The following EPHB1 variants were observed in gnomAD, a reference collection of about 807,000 sequenced individuals.
EPHB1 encodes the protein EPH receptor B1, also known as ephrin type-B receptor 1.
A neutral mutation model predicts 94.4 loss-of-function variants in EPHB1; 30 were observed. That is an observed-to-expected ratio of 0.32 (90% confidence interval 0.24 to 0.43). The LOEUF is 0.43. Among genes scored for constraint, EPHB1 ranks in the 20% least tolerant of loss-of-function variants. The pLI, the probability that EPHB1 is intolerant of heterozygous loss-of-function variation, is 1.00. For missense variants in EPHB1, 1,055 were observed against 1,308.3 expected (o/e 0.81, Z 2.99); for synonymous variants, 522 against 489.1 (o/e 1.07, Z -0.89).
chr3:135,249,158 T>C (rs1033809356), intron 14 of EPHB1, among the ~76,000 whole-genome samples, 178 bp from the exon 15 acceptor site: 1 of 152,186 alleles, frequency 6.6e-6, no homozygotes, highest in African/African-American at 2.4e-5. Context: ...GCCACCTGGA[T>C]GTAGAAGTCA....
At chr3:135,072,924 G>T (rs371109799) in intron 3 of EPHB1, among the ~76,000 whole-genome samples, 4 of 152,210 alleles carry the variant, frequency 2.6e-5, no homozygotes, top group East Asian at 1.9e-4. Flanking sequence ...ACATTTTCCA[G>T]TTGATCAGAG....
chr3:134,968,158 T>G (rs1012052706), intron 3 of EPHB1, among the ~76,000 whole-genome samples: 3 of 152,258 alleles, frequency 2.0e-5, no homozygotes, highest in Non-Finnish European at 4.4e-5. Context: ...TGGGCCTCAG[T>G]ATGTTAAATG....
At chr3:134,880,855 C>T (rs915443967) in intron 1 of EPHB1, among the ~76,000 whole-genome samples, 13 of 152,204 alleles carry the variant, frequency 8.5e-5, no homozygotes. Flanking sequence ...AATTGGGTTT[C>T]TGGGTCTTCC....
At chr3:135,012,346 C>T (rs533449494) in intron 3 of EPHB1, among the ~76,000 whole-genome samples, 2 of 152,284 alleles carry the variant, frequency 1.3e-5, no homozygotes, top group South Asian at 4.2e-4. Context: ...CACAGCCAGT[C>T]CTCAAGGCTG....
intron 1 of EPHB1, among the ~76,000 whole-genome samples, chr3:134,922,219 A>C (rs1404192686): frequency 6.6e-6 from 1 of 151,908 alleles, no homozygotes; most frequent in Non-Finnish European, 1.5e-5. Context: ...CAGAACTCTC[A>C]ATATGCTTTA....
chr3:134,869,482 C>T (rs1203942385), intron 1 of EPHB1, among the ~76,000 whole-genome samples: 1 of 152,076 alleles, frequency 6.6e-6, no homozygotes, highest in Admixed American at 6.5e-5. Flanking sequence ...CTTGGATGGA[C>T]CGTGGGAGGG....
chr3:135,170,610 T>C (rs1292211475), intron 9 of EPHB1, among the ~76,000 whole-genome samples: 1 of 152,030 alleles, frequency 6.6e-6, no homozygotes, highest in Non-Finnish European at 1.5e-5. Flanking sequence ...TGACTAACAG[T>C]TGCCTGGATG....
intron 3 of EPHB1, among the ~76,000 whole-genome samples, chr3:135,104,450 A>T (rs766612517): frequency 6.6e-6 from 1 of 152,172 alleles, no homozygotes; most frequent in Non-Finnish European, 1.5e-5. Flanking sequence ...CTTTCTACAG[A>T]GAAGTTTCTT....
intron 3 of EPHB1, among the ~76,000 whole-genome samples, chr3:135,075,295 G>A (rs1937869771): frequency 6.6e-6 from 1 of 152,146 alleles, no homozygotes; most frequent in Non-Finnish European, 1.5e-5. Context: ...GAGTGCCAGA[G>A]TCTGCTGGCA....
chr3:135,052,931 G>GTGTA (rs1457685081), intron 3 of EPHB1, among the ~76,000 whole-genome samples: 3 of 93,830 alleles, frequency 3.2e-5, no homozygotes, highest in African/African-American at 1.2e-4. Context: ...GTGTGTGTGT[G>GTGTA]TATATATGTG....
chr3:135,110,112 A>G (rs1229817836), intron 4 of EPHB1, among the ~76,000 whole-genome samples: 2 of 152,206 alleles, frequency 1.3e-5, no homozygotes, highest in Non-Finnish European at 2.9e-5. Context: ...GCCTTATAAA[A>G]TTGCTGCCTG....
At chr3:135,179,772 A>C in intron 9 of EPHB1, 88 bp from the exon 10 acceptor site, 1 of 1,519,658 alleles carries the variant, frequency 6.6e-7, no homozygotes, top group East Asian at 2.3e-5. Flanking sequence ...TCCTCCCAGG[A>C]ATGCCCTTAG....
intron 3 of EPHB1, among the ~76,000 whole-genome samples, chr3:134,988,514 C>T (rs769372849): frequency 3.9e-5 from 6 of 152,096 alleles, no homozygotes; most frequent in Non-Finnish European, 7.4e-5. Context: ...GAAATGCTAA[C>T]GGCCCTAATA....
At chr3:135,019,867 T>G (rs1299533282) in intron 3 of EPHB1, among the ~76,000 whole-genome samples, 2 of 152,224 alleles carry the variant, frequency 1.3e-5, no homozygotes, top group East Asian at 3.8e-4. Context: ...CATTCATAAA[T>G]CCATAGGCAC....
Position 135,106,461 on chromosome 3 carries a change from G to T in EPHB1, c.819G>T (p.Gly273=). The T allele has an allele frequency of 1.2e-6, 2 of 1,613,984 alleles. No individual in the cohort carries two copies. Among genetic ancestry groups the T allele is most frequent in the East Asian group, 2.2e-5 (1 of 44,868 alleles). ...NSVACKACPA[G]TFKASQEAEG... Reference sequence around the variant, plus strand: ...TTTGTGTTCTAGCTTGCCCTGCAGGGACATTCAAGGCCAGCCAGGAAGCTG... The same window carrying T: ...TTTGTGTTCTAGCTTGCCCTGCAGGTACATTCAAGGCCAGCCAGGAAGCTG... The change falls in exon 4 of 16, where the codon GGG becomes GGT. Residue 273 remains glycine (G), a synonymous_variant. Coordinates refer to ENST00000398015, the MANE Select transcript of EPHB1 (RefSeq NM_004441.5).
intron 3 of EPHB1, among the ~76,000 whole-genome samples, chr3:135,054,364 C>G (rs564138898): frequency 6.6e-6 from 1 of 152,016 alleles, no homozygotes; most frequent in Non-Finnish European, 1.5e-5. Context: ...TTGCATGAGC[C>G]AATTCTTTAT....
intron 3 of EPHB1, among the ~76,000 whole-genome samples, chr3:135,004,016 T>G (rs758595539): frequency 6.8e-6 from 1 of 146,848 alleles, no homozygotes; most frequent in Non-Finnish European, 1.5e-5. Flanking sequence ...GTTAGCTGGT[T>G]ATTTTGCTTG....
intron 9 of EPHB1, among the ~76,000 whole-genome samples, chr3:135,168,488 T>C (rs982608539): frequency 2.6e-5 from 4 of 152,234 alleles, no homozygotes; most frequent in African/African-American, 9.6e-5. Context: ...TGTGCCTTGC[T>C]GCATAATCTA....
Position 135,260,174 on chromosome 3 carries a change from G to T in EPHB1, c.*1054G>T, listed in dbSNP as rs144286980. On this transcript the variant is annotated 3_prime_UTR_variant, in exon 16 of 16. Transcript: ENST00000398015. ...GATAACATCTCAAGAAAAGGAGAAGGAAAGTGTTTCTGGAGAATGTTCTTT... is the reference window on the plus strand; with the variant it reads ...GATAACATCTCAAGAAAAGGAGAAGTAAAGTGTTTCTGGAGAATGTTCTTT... The T allele has an allele frequency of 4.3e-6, 1 of 233,174 alleles. No individual in the cohort carries two copies. The highest frequency in any genetic ancestry group is 6.1e-5 in the East Asian group (1 of 16,512). The allele number at this position is 233,174 out of a possible 1,614,324, so 14.4% of individuals were successfully genotyped here.
Sources: allele counts gnomAD v4.1 joint callset (sites outside exome capture counted in the v4.1 genomes callset), GRCh38; gene constraint gnomAD v4.1.1; transcripts MANE v1.5; gene names NCBI Gene and HGNC (gene_info 2026-07-23, HGNC 2026-07-21).